Variants in KIF1A observed in about 807,000 individuals in gnomAD.
KIF1A encodes kinesin family member 1A, also known as kinesin-like protein KIF1A.
In KIF1A, 46 loss-of-function variants were observed where a neutral mutation model predicts 227.3. The ratio of observed to expected loss-of-function variants is 0.20; its 90% confidence interval spans 0.16 to 0.26. KIF1A has a LOEUF of 0.26. KIF1A is among the 10% of genes least tolerant of loss of function. KIF1A has a pLI of 1.00. For missense variants in KIF1A, 1,683 were observed against 2,485.9 expected (o/e 0.68, Z 6.87); for synonymous variants, 1,022 against 1,012.8 (o/e 1.01, Z -0.17).
chr2:240,749,167 AT>A (rs1180337744), intron 28 of KIF1A, among the ~76,000 whole-genome samples: 2 of 152,190 alleles, frequency 1.3e-5, no homozygotes, highest in East Asian at 3.9e-4. Context: ...GCTAAGGAGA[AT>A]TTAACATTAG....
intron 1 of KIF1A, among the ~76,000 whole-genome samples, chr2:240,810,222 C>G (rs1448260164): frequency 6.6e-6 from 1 of 152,042 alleles, no homozygotes; most frequent in African/African-American, 2.4e-5. Context: ...GTATCTGCAA[C>G]ACATACAATT....
chr2:240,792,944 A>C lies in KIF1A; in HGVS notation c.107-3632T>G, dbSNP rs570090137. On this transcript the variant is annotated intron_variant, in intron 2 of 48. Transcript: ENST00000498729. The surrounding 1 kb of genome is among the most constrained non-coding windows in gnomAD (Gnocchi z 4.5). ...GCATCTTGATTGGACTTCCGCCTCCAGACTGCGGAGAAGGGAACATATGCT... is the reference window on the plus strand; with the variant it reads ...GCATCTTGATTGGACTTCCGCCTCCCGACTGCGGAGAAGGGAACATATGCT... Among the ~76,000 whole-genome samples, 3 of 152,338 alleles carry C rather than the reference A, an allele frequency of 2.0e-5. No individual in the cohort carries two copies. In the East Asian group the frequency reaches 5.8e-4, roughly 29 times the overall value.
At chr2:240,734,605 C>G in intron 38 of KIF1A, 2 of 633,278 alleles carry the variant, frequency 3.2e-6, no homozygotes, top group South Asian at 3.0e-5. Context: ...TGTGAGGAGT[C>G]CAGGAAGCTG....
At chr2:240,771,998 C>T (rs2052067717) in intron 14 of KIF1A, among the ~76,000 whole-genome samples, 2 of 152,222 alleles carry the variant, frequency 1.3e-5, no homozygotes, top group Admixed American at 6.5e-5. Context: ...CTCGGGGAGG[C>T]ACTGAGCCCC....
rs768320178 is a variant in KIF1A, at chr2:240,797,678, C to G, written c.75G>C (p.Lys25Asn). 8 of 1,612,802 alleles carry G rather than the reference C, an allele frequency of 5.0e-6. No homozygotes were observed. The highest frequency in any genetic ancestry group is 6.8e-6 in the Non-Finnish European group (8 of 1,179,592). ...FNSREMSRDS[K>N]CIIQMSGSTT... ...TGCTTCCAGACATCTGAATGATGCA[C>G]TTGGAGTCACGGCTCATTTCCCGGG... The change falls in exon 2 of 49, where the codon AAG becomes AAC. Residue 25 changes from lysine to asparagine, a missense_variant. Around this residue, in one of 12 missense-constraint regions of KIF1A, gnomAD observed 71 missense variants for 129.1 expected, o/e 0.55. Coordinates refer to ENST00000498729, the MANE Select transcript of KIF1A (RefSeq NM_001244008.2).
chr2:240,787,418 C>T, intron 4 of KIF1A, 102 bp from the exon 5 acceptor site: 1 of 951,718 alleles, frequency 1.1e-6, no homozygotes, highest in East Asian at 2.4e-5. Flanking sequence ...CGGGATCCAC[C>T]CTCTCAGGCC....
In KIF1A at chr2:240,775,119, G is replaced by A. The variant is rs528477511; in HGVS notation, c.958+732C>T. 5.1e-4 allele frequency among the ~76,000 whole-genome samples: 77 copies of A among 152,314 alleles called. No homozygotes were observed. The highest frequency in any genetic ancestry group is 8.5e-4 in the Non-Finnish European group (58 of 68,024). ...GAACACACTCTCCTCCTCTCTCAGC[G>A]GGGCCCATCCATCCGCAGGCCTGCT... On this transcript the variant is annotated intron_variant, in intron 11 of 48. Transcript: ENST00000498729. The surrounding 1 kb of genome is among the most constrained non-coding windows in gnomAD (Gnocchi z 5.5).
chr2:240,719,832 C>G lies in KIF1A; in HGVS notation c.4963G>C (p.Glu1655Gln). The change falls in exon 46 of 49, where the codon GAG becomes CAG. Residue 1655 changes from glutamate (E) to glutamine (Q), a missense_variant. By Grantham distance (29) the Glu-to-Gln change is conservative. This residue lies in a region of KIF1A where 384 missense variants were observed against 410.1 expected (regional missense o/e 0.94). Coordinates refer to ENST00000498729, the MANE Select transcript of KIF1A (RefSeq NM_001244008.2). ...AGGCGCTGGGGCTCCTTGTCTGTCT[C>G]TGTTGCCCGGGCAGGGGAAGGGAGC... ...KKLPSPARAT[E>Q]TDKEPQRLLV... is the part of the protein sequence containing the mutation. 3.7e-6 allele frequency: 6 copies of G among 1,611,476 alleles called. No individual in the cohort carries two copies. Among genetic ancestry groups the G allele is most frequent in the Non-Finnish European group, 5.1e-6 (6 of 1,179,086 alleles).
At chr2:240,781,701 GTCCTGTGCCGTTTCCCACACGCT>G in intron 10 of KIF1A, 1 of 938,314 alleles carries the variant, frequency 1.1e-6, no homozygotes, top group Admixed American at 6.2e-5. Context: ...CCCACGCAGT[GTCCTGTGCCGTTTCCCACACGCT>G]TCCTCTCCCG....
intron 17 of KIF1A, among the ~76,000 whole-genome samples, chr2:240,767,785 C>T (rs2051401784): frequency 6.6e-6 from 1 of 152,212 alleles, no homozygotes; most frequent in South Asian, 2.1e-4. Context: ...GGACCCCATT[C>T]CAGCTCAGAC....
rs766817400 is a variant in KIF1A at position 240,725,297 on chromosome 2, G to A, written c.4230C>T (p.Gly1410=). The A allele has an allele frequency of 6.2e-7, 1 of 1,608,042 alleles. No individual in the cohort carries two copies. The highest frequency in any genetic ancestry group is 1.1e-5 in the South Asian group (1 of 90,034). Residue 1410 remains glycine (G), a synonymous_variant, in exon 40 of 49, where the codon GGC becomes GGT. Transcript: ENST00000498729. This position sits in a 1 kb window ranked among gnomAD's most constrained non-coding sequence, Gnocchi z 5.8. The part of the protein sequence containing the change: ...PASRSIRNLF[G]SGSLRASESN... Reference sequence around the variant, plus strand: ...TCTCTGAGGCCCGAAGGCTCCCACTGCCAAAGAGGTTGCGGATGGAGCGCG... The same window carrying A: ...TCTCTGAGGCCCGAAGGCTCCCACTACCAAAGAGGTTGCGGATGGAGCGCG...
At position 240,808,664 on chromosome 2, in the gene KIF1A, T is replaced by A. The variant is rs578178725; in HGVS notation, c.-60-10852A>T. Among the ~76,000 whole-genome samples the A allele has an allele frequency of 9.9e-5, 15 of 151,702 alleles. No homozygotes were observed. In the South Asian group the frequency reaches 2.9e-3, roughly 30 times the overall value. On this transcript the variant is annotated intron_variant, in intron 1 of 48. Coordinates refer to ENST00000498729, the MANE Select transcript of KIF1A (RefSeq NM_001244008.2). ...CTCCAGGCTGGGCAACAGAGCAAGA[T>A]CTTCTCTCTAAAAAATAAATAAATA...
intron 46 of KIF1A, among the ~76,000 whole-genome samples, chr2:240,719,467 T>C (rs2045001860): frequency 6.6e-6 from 1 of 152,216 alleles, no homozygotes; most frequent in Non-Finnish European, 1.5e-5. Context: ...GCTGTCACAC[T>C]GTACCCAGTG....
chr2:240,816,219 T>C (rs2058307269), intron 1 of KIF1A, among the ~76,000 whole-genome samples: 1 of 151,916 alleles, frequency 6.6e-6, no homozygotes, highest in African/African-American at 2.4e-5. Flanking sequence ...AGCATGTGTG[T>C]ATGTGTGTTT....
intron 1 of KIF1A, among the ~76,000 whole-genome samples, chr2:240,802,086 A>C (rs1271194509): frequency 6.9e-6 from 1 of 145,338 alleles, no homozygotes; most frequent in Non-Finnish European, 1.5e-5. Context: ...AAAAAGCTTA[A>C]AGTCAGCCAG....
In KIF1A at chr2:240,718,419, C is replaced by T. The variant is rs563957316; in HGVS notation, c.5215-251G>A. 3.3e-5 allele frequency among the ~76,000 whole-genome samples: 5 copies of T among 152,354 alleles called. No homozygotes were observed. The East Asian group carries it at 9.7e-4, about 29-fold the overall frequency. ...CTCCCCACGGGACGTGACTGCCCCT[C>T]ATGGCCCCTGCTCCCTGGGACCCTG... On this transcript the variant is annotated intron_variant, in intron 47 of 48. Coordinates refer to ENST00000498729, the MANE Select transcript of KIF1A (RefSeq NM_001244008.2).
rs934884847 is a variant in KIF1A at position 240,752,308 on chromosome 2, G to A, written c.2859-1761C>T. ...CCACCCACCCAGGTTATGTCCAGAA[G>A]CGCCCATGGAAGCTCACCCTGGCCC... On this transcript the variant is annotated intron_variant, in intron 27 of 48. Coordinates refer to ENST00000498729, the MANE Select transcript of KIF1A (RefSeq NM_001244008.2). The surrounding 1 kb of genome is among the most constrained non-coding windows in gnomAD (Gnocchi z 6.4). 6.6e-6 allele frequency among the ~76,000 whole-genome samples: 1 copy of A among 152,030 alleles called. No individual in the cohort carries two copies. Among genetic ancestry groups the A allele is most frequent in the Non-Finnish European group, 1.5e-5 (1 of 68,000 alleles).
intron 10 of KIF1A, among the ~76,000 whole-genome samples, chr2:240,779,460 ACACTCAGTTCCT>A (rs1411131051): frequency 1.7e-3 from 220 of 127,010 alleles, no homozygotes; most frequent in Middle Eastern, 6.6e-3. Flanking sequence ...TCATAGTTCC[ACACTCAGTTCCT>A]CACTCAGTTC....
intron 10 of KIF1A, among the ~76,000 whole-genome samples, chr2:240,781,628 G>C (rs1252622047): frequency 6.6e-6 from 1 of 151,660 alleles, no homozygotes; most frequent in Non-Finnish European, 1.5e-5. Context: ...GGTTATCACC[G>C]CTCCTCACAG....
Sources: gnomAD v4.1 joint callset for allele counts (sites outside exome capture counted in the v4.1 genomes callset) on GRCh38, gnomAD v4.1.1 for gene constraint, gnomAD v4.1.1 regional missense constraint, Gnocchi (gnomAD v3.1) non-coding constraint, MANE v1.5 for transcripts, NCBI Gene and HGNC (gene_info 2026-07-23, HGNC 2026-07-21) for gene names.